Variants in FSTL5 observed in about 807,000 individuals in gnomAD.
FSTL5 encodes follistatin like 5.
FSTL5 carries 62 observed loss-of-function variants against 89.1 expected under a neutral mutation model. The observed-to-expected ratio is 0.70, with a 90% CI of 0.57 to 0.86. The LOEUF is 0.86. Ranked by LOEUF, FSTL5 falls within the 40% of genes least tolerant of loss-of-function variation. The probability of loss-of-function intolerance (pLI) is 0.00; values close to 1 mark genes in which losing one functional copy is unlikely to be tolerated. For synonymous variants in FSTL5, 383 were observed against 346.2 expected (o/e 1.11, Z -1.18); for missense variants, 1,057 against 1,001.6 (o/e 1.06, Z -0.75).
intron 12 of FSTL5, among the ~76,000 whole-genome samples, chr4:161,490,816 G>A (rs576496034): frequency 1.1e-4 from 17 of 152,008 alleles, no homozygotes; most frequent in South Asian, 2.1e-4. Flanking sequence ...AAAGAGCTTC[G>A]CATTTGATTT....
intron 3 of FSTL5, among the ~76,000 whole-genome samples, chr4:161,954,595 CATGTGT>C (rs1401869209): frequency 1.3e-5 from 2 of 151,584 alleles, no homozygotes; most frequent in Non-Finnish European, 3.0e-5. Context: ...TATGTATTTA[CATGTGT>C]ATATATCCAT....
intron 7 of FSTL5, among the ~76,000 whole-genome samples, chr4:161,638,137 C>A (rs1271132427): frequency 4.0e-5 from 6 of 150,806 alleles, no homozygotes; most frequent in African/African-American, 1.5e-4. Context: ...TCTTTTATTT[C>A]CTTGAGCAGT....
intron 4 of FSTL5, among the ~76,000 whole-genome samples, chr4:161,856,634 T>A (rs1579145609): frequency 6.9e-6 from 1 of 144,958 alleles, no homozygotes. Context: ...CATCCGTAAC[T>A]CATTTATTTG....
chr4:161,822,183 G>A (rs954831694), intron 4 of FSTL5, among the ~76,000 whole-genome samples: 1 of 152,074 alleles, frequency 6.6e-6, no homozygotes, highest in Non-Finnish European at 1.5e-5. Flanking sequence ...GATCATTAGT[G>A]ATGTTGAGCA....
In FSTL5 at chr4:162,026,048, C is replaced by CAA. The variant is rs546224624; in HGVS notation, c.160+7575_160+7576dup. ...GTTTATAGTGTCTGGACAGACAAAG[C>CAA]AAAAAAAAAAACGGAAATGTGATAG... is the stretch of plus-strand genomic sequence containing the variant. On this transcript the variant is annotated intron_variant, in intron 3 of 15. Transcript: ENST00000306100. 2.1e-3 allele frequency among the ~76,000 whole-genome samples: 249 copies of CAA among 119,138 alleles called. 2 individuals carry two copies. The highest frequency in any genetic ancestry group is 7.3e-3 in the African/African-American group (236 of 32,374). 78.2% of individuals were successfully genotyped at this position (119,138 alleles called of 152,430 possible).
At chr4:161,621,226 T>G (rs1045386635) in intron 7 of FSTL5, among the ~76,000 whole-genome samples, 9 of 151,360 alleles carry the variant, frequency 5.9e-5, no homozygotes, top group African/African-American at 2.2e-4. Context: ...GAAAACTATC[T>G]GAAAAGTCTC....
intron 3 of FSTL5, among the ~76,000 whole-genome samples, chr4:161,990,844 C>A (rs568675053): frequency 2.0e-5 from 3 of 152,226 alleles, no homozygotes; most frequent in African/African-American, 7.2e-5. Context: ...CTACAACACA[C>A]ACAATTTGAA....
At chr4:161,615,916 A>G (rs554228313) in intron 7 of FSTL5, among the ~76,000 whole-genome samples, 1 of 152,270 alleles carries the variant, frequency 6.6e-6, no homozygotes, top group African/African-American at 2.4e-5. Flanking sequence ...ATGTAACACA[A>G]TTCATTTTTC....
At chr4:161,518,740 A>G (rs940928329) in intron 10 of FSTL5, among the ~76,000 whole-genome samples, 1 of 152,248 alleles carries the variant, frequency 6.6e-6, no homozygotes, top group African/African-American at 2.4e-5. Flanking sequence ...CAAACCAAGT[A>G]AACAAAGTAG....
chr4:161,885,077 A>T (rs902232970), intron 4 of FSTL5, among the ~76,000 whole-genome samples: 1 of 152,178 alleles, frequency 6.6e-6, no homozygotes, highest in African/African-American at 2.4e-5. Context: ...GATAGATATT[A>T]TCAAAAGTTA....
chr4:161,749,149 T>C (rs1740307218), intron 6 of FSTL5, among the ~76,000 whole-genome samples: 1 of 152,082 alleles, frequency 6.6e-6, no homozygotes, highest in South Asian at 2.1e-4. Flanking sequence ...AGAACTACCA[T>C]TTGACCCATC....
At chr4:161,452,559 A>C (rs1195419296) in intron 15 of FSTL5, among the ~76,000 whole-genome samples, 1 of 152,148 alleles carries the variant, frequency 6.6e-6, no homozygotes, top group Non-Finnish European at 1.5e-5. Flanking sequence ...TGTGGAATAA[A>C]TCCTCATTAT....
At chr4:161,727,627 G>A (rs1579051478) in intron 6 of FSTL5, among the ~76,000 whole-genome samples, 1 of 152,008 alleles carries the variant, frequency 6.6e-6, no homozygotes, top group East Asian at 1.9e-4. Flanking sequence ...CTGCATTTTT[G>A]CATGGAATTT....
chr4:161,490,478 G>A (rs548757903), intron 12 of FSTL5, among the ~76,000 whole-genome samples: 2 of 152,080 alleles, frequency 1.3e-5, no homozygotes, highest in Non-Finnish European at 2.9e-5. Context: ...AAATCAGGTG[G>A]ATTTTGTGAC....
intron 5 of FSTL5, 49 bp downstream of exon 5, chr4:161,775,829 T>C (rs763831388): frequency 2.2e-6 from 2 of 900,078 alleles, no homozygotes; most frequent in African/African-American, 1.7e-5. Context: ...GTAAATATAT[T>C]GTGCATGCTA....
chr4:161,466,119 G>A (rs926032002), intron 13 of FSTL5, among the ~76,000 whole-genome samples: 3 of 152,044 alleles, frequency 2.0e-5, no homozygotes, highest in African/African-American at 7.2e-5. Context: ...ATTTGTTGTA[G>A]CTTTATACAC....
At chr4:162,039,533 C>G (rs1057153307) in intron 2 of FSTL5, among the ~76,000 whole-genome samples, 3 of 151,888 alleles carry the variant, frequency 2.0e-5, no homozygotes, top group African/African-American at 7.2e-5. Flanking sequence ...GCAAACACAG[C>G]ATTTCCTTTA....
At chr4:161,875,249 G>C (rs1182780795) in intron 4 of FSTL5, among the ~76,000 whole-genome samples, 1 of 152,148 alleles carries the variant, frequency 6.6e-6, no homozygotes, top group Non-Finnish European at 1.5e-5. Context: ...AGTAACAAAA[G>C]TGCCAGAGGC....
intron 8 of FSTL5, among the ~76,000 whole-genome samples, chr4:161,562,773 A>T (rs1195797255): frequency 1.3e-5 from 2 of 151,998 alleles, no homozygotes; most frequent in Non-Finnish European, 2.9e-5. Flanking sequence ...ATAATGTGCA[A>T]CCATCACTAT....
Sources: allele counts gnomAD v4.1 joint callset (sites outside exome capture counted in the v4.1 genomes callset), GRCh38; gene constraint gnomAD v4.1.1; transcripts MANE v1.5; gene names NCBI Gene and HGNC (gene_info 2026-07-23, HGNC 2026-07-21).